LOC102723971: variants seen among roughly 807,000 people sequenced by gnomAD.
At chr9:135,614,775 C>T in the LOC102723971 span, among the ~76,000 whole-genome samples, 1 of 152,068 alleles carries the variant, frequency 6.6e-6, no homozygotes, top group Non-Finnish European at 1.5e-5. Context: ...GGGAGGGTCC[C>T]AGCTCCTCCT....
chr9:135,616,307 C>G, the LOC102723971 span, among the ~76,000 whole-genome samples: 1 of 152,180 alleles, frequency 6.6e-6, no homozygotes, highest in East Asian at 1.9e-4. Flanking sequence ...TTGGTGTCAT[C>G]CCAGAAGTGA....
the LOC102723971 span, among the ~76,000 whole-genome samples, chr9:135,615,937 C>T: frequency 1.3e-5 from 2 of 152,222 alleles, no homozygotes; most frequent in African/African-American, 2.4e-5. Context: ...GGACAAGCTA[C>T]GCTGAGCGCA....
At chr9:135,616,549 G>GTTCCA in the LOC102723971 span, 6 of 398,536 alleles carry the variant, frequency 1.5e-5, no homozygotes, top group Non-Finnish European at 2.2e-5. Context: ...GACACAGTTG[G>GTTCCA]AGGCTGACCA....
At chr9:135,619,030 C>T in the LOC102723971 span, 1 of 402,492 alleles carries the variant, frequency 2.5e-6, no homozygotes, top group East Asian at 3.5e-5. Flanking sequence ...CTTCCACCTC[C>T]TTCACCTTGG....
chr9:135,618,482 G>T, the LOC102723971 span, among the ~76,000 whole-genome samples: 1 of 152,156 alleles, frequency 6.6e-6, no homozygotes, highest in Non-Finnish European at 1.5e-5. Context: ...CCCTAGTGCA[G>T]GTTACATTGC....
At chr9:135,619,482 C>A in the LOC102723971 span, among the ~76,000 whole-genome samples, 1 of 152,136 alleles carries the variant, frequency 6.6e-6, no homozygotes, top group Non-Finnish European at 1.5e-5. Flanking sequence ...ACCCACCTCA[C>A]CTGGGTCTGC....
the LOC102723971 span, chr9:135,616,966 T>G: frequency 2.5e-6 from 1 of 398,664 alleles, no homozygotes. Context: ...AACCTCATTC[T>G]TTACGTGCGC....
chr9:135,614,787 C>T, the LOC102723971 span, among the ~76,000 whole-genome samples: 1 of 152,098 alleles, frequency 6.6e-6, no homozygotes, highest in South Asian at 2.1e-4. Flanking sequence ...GCTCCTCCTC[C>T]CTGTGTGGCC....
chr9:135,616,352 C>T, the LOC102723971 span, among the ~76,000 whole-genome samples: 4 of 152,218 alleles, frequency 2.6e-5, no homozygotes, highest in Admixed American at 6.5e-5. Context: ...GTCCCATCCC[C>T]AGCACCCCCT....
the LOC102723971 span, chr9:135,616,444 C>T: frequency 2.5e-4 from 97 of 395,074 alleles, no homozygotes; most frequent in African/African-American, 1.7e-3. Flanking sequence ...GCTGACGCCC[C>T]GGGGAGGACA....
chr9:135,619,036 CT>C, the LOC102723971 span: 8 of 401,840 alleles, frequency 2.0e-5, no homozygotes, highest in Admixed American at 4.4e-5. Flanking sequence ...CCTCCTTCAC[CT>C]TGGCTTGTGG....
chr9:135,619,697 G>C, the LOC102723971 span, among the ~76,000 whole-genome samples: 1 of 152,052 alleles, frequency 6.6e-6, no homozygotes, highest in African/African-American at 2.4e-5. Flanking sequence ...GGATTCTGAA[G>C]GGCGGCGCCC....
At chr9:135,619,440 C>T in the LOC102723971 span, among the ~76,000 whole-genome samples, 1 of 152,082 alleles carries the variant, frequency 6.6e-6, no homozygotes, top group Non-Finnish European at 1.5e-5. Flanking sequence ...CCCACGGAGG[C>T]TGTTCTCAGA....
the LOC102723971 span, chr9:135,616,926 C>T: frequency 7.5e-6 from 3 of 398,470 alleles, no homozygotes; most frequent in African/African-American, 6.2e-5. Flanking sequence ...CGGCAGCATG[C>T]ACGTATGCTT....
the LOC102723971 span, chr9:135,614,498 A>G: frequency 2.5e-6 from 1 of 396,458 alleles, no homozygotes; most frequent in Admixed American, 4.4e-5. Context: ...GGTGAGCTGC[A>G]CCTGGGTCCA....
chr9:135,614,646 A>C, the LOC102723971 span, among the ~76,000 whole-genome samples: 1 of 152,180 alleles, frequency 6.6e-6, no homozygotes, highest in Non-Finnish European at 1.5e-5. Context: ...GCAGGGCGGC[A>C]GCCGGAGAAA....
chr9:135,618,235 A>C, the LOC102723971 span, among the ~76,000 whole-genome samples: 1 of 152,130 alleles, frequency 6.6e-6, no homozygotes, highest in African/African-American at 2.4e-5. Context: ...ATATGGGTCC[A>C]ATGCCGTCTC....
chr9:135,616,878 C>T, the LOC102723971 span: 7 of 398,530 alleles, frequency 1.8e-5, no homozygotes, highest in Non-Finnish European at 2.7e-5. Flanking sequence ...AGAGAGGCAT[C>T]GTGCATCAGC....
the LOC102723971 span, among the ~76,000 whole-genome samples, chr9:135,614,818 G>T: frequency 5.3e-5 from 8 of 152,198 alleles, no homozygotes; most frequent in Non-Finnish European, 1.2e-4. Context: ...TGGTGCTGCT[G>T]GTGGGAGTGC....
Sources: allele counts gnomAD v4.1 joint callset (sites outside exome capture counted in the v4.1 genomes callset), GRCh38; gene constraint gnomAD v4.1.1; transcripts MANE v1.5.